RBPJ: variants seen among roughly 807,000 people sequenced by gnomAD.
RBPJ encodes recombination signal binding protein for immunoglobulin kappa J region.
A neutral mutation model predicts 67.8 loss-of-function variants in RBPJ; 9 were observed. The ratio of observed to expected loss-of-function variants is 0.13; its 90% CI spans 0.08 to 0.23. RBPJ has a LOEUF of 0.23. Ranked by LOEUF, RBPJ falls within the 10% of genes least tolerant of loss-of-function variation. The pLI is 1.00. For missense variants in RBPJ, 305 were observed against 595.6 expected (o/e 0.51, Z 5.08); for synonymous variants, 198 against 203.3 (o/e 0.97, Z 0.22).
rs111501443 is a variant in RBPJ, at chr4:26,237,435, C to T, written c.-167+73821C>T. Among the ~76,000 whole-genome samples the T allele has an allele frequency of 6.3e-3, 962 of 151,990 alleles. 11 individuals carry two copies. Among genetic ancestry groups the T allele is most frequent in the African/African-American group, 0.021 (884 of 41,470 alleles). ...GAAGCCTCACAGTGCATATTTTGCA[C>T]GGTGTTAAAGACTCTAGGAAGTCCT... On this transcript the variant is annotated intron_variant, in intron 1 of 4. Coordinates refer to the RBPJ transcript ENST00000512351.
chr4:26,296,660 A>T (rs1439109871), intron 1 of RBPJ, among the ~76,000 whole-genome samples: 1 of 152,192 alleles, frequency 6.6e-6, no homozygotes, highest in African/African-American at 2.4e-5. Flanking sequence ...CAAGTAGAAT[A>T]GTTTTCTTTG....
At chr4:26,387,552 G>T (rs1266578569) in intron 2 of RBPJ, among the ~76,000 whole-genome samples, 1 of 152,156 alleles carries the variant, frequency 6.6e-6, no homozygotes, top group Non-Finnish European at 1.5e-5. Context: ...TGAACATCAG[G>T]TATAGAAGGA....
the RBPJ span, among the ~76,000 whole-genome samples, chr4:26,109,646 C>G: frequency 8.6e-4 from 45 of 52,582 alleles, 10 homozygotes; most frequent in Non-Finnish European, 1.5e-3. Flanking sequence ...CTCTCTGTCT[C>G]TCTCTCTCTC....
At chr4:26,138,157 G>A in the RBPJ span, among the ~76,000 whole-genome samples, 3 of 152,222 alleles carry the variant, frequency 2.0e-5, no homozygotes, top group Non-Finnish European at 4.4e-5. Context: ...GGCAGACAGA[G>A]AAACATGGCC....
intron 1 of RBPJ, among the ~76,000 whole-genome samples, chr4:26,216,311 G>A (rs1718721713): frequency 6.6e-6 from 1 of 151,986 alleles, no homozygotes; most frequent in African/African-American, 2.4e-5. Flanking sequence ...TTGGGAAGGG[G>A]GCCACCATTC....
chr4:26,145,932 TTTTG>T, the RBPJ span, among the ~76,000 whole-genome samples: 1,005 of 152,172 alleles, frequency 6.6e-3, 14 homozygotes, highest in African/African-American at 0.022. Flanking sequence ...TTGGTCAATT[TTTTG>T]TTTGTTTGTT....
intron 1 of RBPJ, among the ~76,000 whole-genome samples, chr4:26,278,980 T>C (rs757458665): frequency 6.6e-6 from 1 of 152,226 alleles, no homozygotes; most frequent in Non-Finnish European, 1.5e-5. Context: ...TGTGCTCCTG[T>C]ATGATCTTAG....
rs1729908811 is a variant in RBPJ at position 26,377,800 on chromosome 4, G to A, written c.21-8553G>A. ...GTATTCTAGAGTTGGTGCTTGAGTG[G>A]TCATCAGTTGATGTGTAGAGAATGC... On this transcript the variant is annotated intron_variant, in intron 1 of 10. Transcript: ENST00000355476. 2.0e-5 allele frequency among the ~76,000 whole-genome samples: 3 copies of A among 152,254 alleles called. No individual in the cohort carries two copies. In the South Asian group the frequency reaches 6.2e-4, roughly 32 times the overall value.
intron 1 of RBPJ, among the ~76,000 whole-genome samples, chr4:26,357,180 G>A (rs1727473089): frequency 6.6e-6 from 1 of 152,158 alleles, no homozygotes. Flanking sequence ...TAAAACTAGA[G>A]CTTTATTTCA....
intron 1 of RBPJ, among the ~76,000 whole-genome samples, chr4:26,311,137 G>A (rs1225872409): frequency 1.3e-5 from 2 of 152,122 alleles, no homozygotes; most frequent in Non-Finnish European, 2.9e-5. Flanking sequence ...GAATTCTGAC[G>A]ATCCTATGAA....
At chr4:26,347,948 TTTTTTC>T (rs1236517142) in intron 1 of RBPJ, among the ~76,000 whole-genome samples, 1 of 151,740 alleles carries the variant, frequency 6.6e-6, no homozygotes, top group African/African-American at 2.4e-5. Flanking sequence ...TTTCCTTTTT[TTTTTTC>T]TTTTTCTTTT....
chr4:26,331,573 C>T (rs1724265592), intron 1 of RBPJ, among the ~76,000 whole-genome samples: 1 of 152,174 alleles, frequency 6.6e-6, no homozygotes. Flanking sequence ...AAATGGTCAG[C>T]TCGGAGCCTG....
intron 1 of RBPJ, among the ~76,000 whole-genome samples, chr4:26,255,158 A>T (rs1720259304): frequency 6.9e-6 from 1 of 145,760 alleles, no homozygotes. Flanking sequence ...TAATCCCAGC[A>T]CTTTGGGAGG....
intron 1 of RBPJ, among the ~76,000 whole-genome samples, chr4:26,250,621 C>T (rs1217922790): frequency 6.6e-6 from 1 of 152,142 alleles, no homozygotes; most frequent in African/African-American, 2.4e-5. Context: ...TGTGAGCCAC[C>T]GCACCTGGCA....
At position 26,185,158 on chromosome 4, in the gene RBPJ, A is replaced by C. The variant is rs553814293; in HGVS notation, c.-167+21544A>C. ...CTCTGTCTAAAAAAAAAAAAAAAGA[A>C]AAGATAGTTATGTTGTTTTGCATCA... On this transcript the variant is annotated intron_variant, in intron 1 of 4. Transcript: ENST00000512351. Among the ~76,000 whole-genome samples, 120 of 151,432 alleles carry C rather than the reference A, an allele frequency of 7.9e-4. 1 individual carries two copies. Among genetic ancestry groups the C allele is most frequent in the African/African-American group, 2.9e-3 (118 of 41,224 alleles).
At chr4:26,148,726 C>T in the RBPJ span, among the ~76,000 whole-genome samples, 1 of 152,240 alleles carries the variant, frequency 6.6e-6, no homozygotes, top group African/African-American at 2.4e-5. Flanking sequence ...TGTCAAAGAC[C>T]CTGTTGGGCA....
At chr4:26,308,012 C>T (rs1206646403) in intron 1 of RBPJ, among the ~76,000 whole-genome samples, 1 of 152,204 alleles carries the variant, frequency 6.6e-6, no homozygotes, top group Non-Finnish European at 1.5e-5. Flanking sequence ...AGCGGTGGCT[C>T]ACGCCTGTAA....
intron 1 of RBPJ, among the ~76,000 whole-genome samples, chr4:26,238,413 G>A (rs1256837978): frequency 6.6e-6 from 1 of 152,162 alleles, no homozygotes; most frequent in Admixed American, 6.5e-5. Context: ...TGTAAAACAA[G>A]GAGAATCATT....
Position 26,431,031 on chromosome 4 carries a change from A to G in RBPJ, c.*24A>G, listed in dbSNP as rs1306445569. ...AACTACCGTCTTTTTGCTAGGACTT[A>G]AACTGACTTGAGTGTGGCAAAAAGT... On this transcript the variant is annotated 3_prime_UTR_variant, in exon 11 of 11. Coordinates refer to ENST00000355476, the MANE Select transcript of RBPJ (RefSeq NM_015874.6). 1 of 1,596,626 alleles carries G rather than the reference A, an allele frequency of 6.3e-7. No individual in the cohort carries two copies. The highest frequency in any genetic ancestry group is 1.1e-5 in the South Asian group (1 of 90,494).
Sources: allele counts gnomAD v4.1 joint callset (sites outside exome capture counted in the v4.1 genomes callset), GRCh38; gene constraint gnomAD v4.1.1; transcripts MANE v1.5; gene names NCBI Gene and HGNC (gene_info 2026-07-23, HGNC 2026-07-21).